HACL1: variants seen among roughly 807,000 people sequenced by gnomAD.
HACL1 encodes 1600020H07Rik.
A neutral mutation model predicts 74.2 loss-of-function variants in HACL1; 64 were observed. The ratio of observed to expected loss-of-function variants is 0.86; its 90% CI spans 0.70 to 1.06. HACL1 has a LOEUF of 1.06. Ranked by LOEUF, HACL1 falls within the 50% of genes least tolerant of loss-of-function variation. The probability of loss-of-function intolerance (pLI) is 0.00; values close to 1 mark genes in which losing one functional copy is unlikely to be tolerated. For missense variants in HACL1, 728 were observed against 719.7 expected, an observed-to-expected ratio of 1.01 and a Z score of -0.13; for synonymous variants, 230 against 238.8, an observed-to-expected ratio of 0.96 and a Z score of 0.34.
chr3:15,599,760 C>T, intron 2 of HACL1, among the ~76,000 whole-genome samples: 1 of 152,210 alleles, frequency 6.6e-6, no homozygotes. Context: ...CAGGACTGAT[C>T]AACGTGAAGA....
intron 3 of HACL1, among the ~76,000 whole-genome samples, chr3:15,592,122 A>G (rs1312430629): frequency 6.7e-6 from 1 of 148,916 alleles, no homozygotes; most frequent in Admixed American, 6.7e-5. Context: ...CACACTATAT[A>G]CGTATACATA....
At chr3:15,597,992 T>C (rs984745914) in intron 2 of HACL1, among the ~76,000 whole-genome samples, 4 of 151,822 alleles carry the variant, frequency 2.6e-5, no homozygotes, top group Non-Finnish European at 2.9e-5. Context: ...GAGGTAACTG[T>C]TTTGTTTTGT....
chr3:15,580,988 A>G (rs963115304), intron 8 of HACL1, among the ~76,000 whole-genome samples: 3 of 151,938 alleles, frequency 2.0e-5, no homozygotes, highest in Non-Finnish European at 2.9e-5. Flanking sequence ...TGCAACCTCC[A>G]CCTCCCGGGT....
chr3:15,589,163 C>G (rs1220180180), intron 5 of HACL1, among the ~76,000 whole-genome samples: 2 of 152,064 alleles, frequency 1.3e-5, no homozygotes, highest in African/African-American at 2.4e-5. Flanking sequence ...TATCTTCTCT[C>G]TACCTCTTAA....
intron 2 of HACL1, 54 bp from the exon 3 acceptor site, chr3:15,596,478 T>G: frequency 3.9e-6 from 4 of 1,017,458 alleles, no homozygotes; most frequent in Non-Finnish European, 6.3e-6. Context: ...ATAGTACATT[T>G]ATGACAGCAA....
intron 10 of HACL1, among the ~76,000 whole-genome samples, chr3:15,574,521 G>C (rs1200603881): frequency 6.6e-6 from 1 of 152,198 alleles, no homozygotes; most frequent in Non-Finnish European, 1.5e-5. Context: ...TCAAAGACAG[G>C]TCAGAATACA....
intron 2 of HACL1, 138 bp from the exon 3 acceptor site, chr3:15,596,562 G>A: frequency 1.7e-6 from 1 of 597,474 alleles, no homozygotes; most frequent in Non-Finnish European, 3.0e-6. Context: ...AGTAATAAAT[G>A]TTCTACACAT....
In HACL1 at chr3:15,563,398, A is replaced by G; in HGVS notation, c.1664T>C (p.Ile555Thr). 4.3e-6 allele frequency: 7 copies of G among 1,613,820 alleles called. No individual in the cohort carries two copies. The highest frequency in any genetic ancestry group is 5.9e-6 in the Non-Finnish European group (7 of 1,179,778). ...GGCTTGTGGCTCAATCATGATGTTG[A>G]TAAGAGAAGGTTTAGTTGTGTCTGC... is the stretch of plus-strand genomic sequence containing the variant. Reference protein sequence around the residue: ...SLADTTKPSLINIMIEPQATR... With the variant: ...SLADTTKPSLTNIMIEPQATR... Residue 555 changes from isoleucine to threonine, a missense_variant, in exon 16 of 17, where the codon ATC becomes ACC. Coordinates refer to ENST00000321169, the MANE Select transcript of HACL1 (RefSeq NM_012260.4).
At chr3:15,570,262 G>A (rs982706691) in intron 12 of HACL1, among the ~76,000 whole-genome samples, 9 of 149,546 alleles carry the variant, frequency 6.0e-5, no homozygotes, top group Admixed American at 2.7e-4. Flanking sequence ...TTAAACCTGC[G>A]AGGCAGAGGT....
chr3:15,593,236 T>G (rs191267021), intron 3 of HACL1, among the ~76,000 whole-genome samples: 6 of 150,458 alleles, frequency 4.0e-5, no homozygotes, highest in African/African-American at 1.5e-4. Context: ...TTTTTTGAGA[T>G]AGCATCTCAC....
chr3:15,601,325 C>T (rs2064227159), intron 1 of HACL1, 58 bp downstream of exon 1: 1 of 1,608,728 alleles, frequency 6.2e-7, no homozygotes, highest in Non-Finnish European at 8.5e-7. Flanking sequence ...TCCAAGACAA[C>T]ATCGCGGTCC....
At chr3:15,564,231 G>A (rs1048320576) in intron 15 of HACL1, among the ~76,000 whole-genome samples, 2 of 152,216 alleles carry the variant, frequency 1.3e-5, no homozygotes, top group Admixed American at 6.5e-5. Flanking sequence ...TTTCCAAATG[G>A]TGTAACAGGA....
intron 2 of HACL1, among the ~76,000 whole-genome samples, chr3:15,599,364 T>C (rs2064132921): frequency 6.6e-6 from 1 of 152,198 alleles, no homozygotes; most frequent in South Asian, 2.1e-4. Context: ...ATTCCTGGAC[T>C]TGAGTAATCC....
At position 15,589,722 on chromosome 3, in the gene HACL1, T is replaced by C. The variant is rs1574937409; in HGVS notation, c.309-110A>G. 6 of 755,312 alleles carry C rather than the reference T, an allele frequency of 7.9e-6. No individual in the cohort carries two copies. In the East Asian group the frequency reaches 1.6e-4, roughly 20 times the overall value. The allele number at this position is 755,312 out of a possible 1,614,324, so 46.8% of individuals were successfully genotyped here. A position where few individuals can be genotyped will look rare whatever the true frequency, so the allele number is the denominator to read the frequency against. ...TAATAAATGTTAAAGGGAGAGAATA[T>C]TATATTTTTTTCTTAGAAACTGTAG... On this transcript the variant is annotated intron_variant, in intron 4 of 16. Transcript: ENST00000321169.
chr3:15,567,476 T>C (rs1244834721), intron 14 of HACL1, among the ~76,000 whole-genome samples: 1 of 151,942 alleles, frequency 6.6e-6, no homozygotes, highest in African/African-American at 2.4e-5. Flanking sequence ...TGCCTTGGCC[T>C]CCCAAAGGGC....
chr3:15,578,027 G>C (rs181612671), intron 9 of HACL1, among the ~76,000 whole-genome samples: 1 of 143,872 alleles, frequency 7.0e-6, no homozygotes, highest in Non-Finnish European at 1.5e-5. Flanking sequence ...GAACCCAGGA[G>C]ACAGAGCTTG....
At chr3:15,561,905 C>T (rs943018131) in intron 16 of HACL1, among the ~76,000 whole-genome samples, 1 of 152,174 alleles carries the variant, frequency 6.6e-6, no homozygotes, top group Non-Finnish European at 1.5e-5. Flanking sequence ...GTCTCAAACT[C>T]TCAGCCTCAA....
chr3:15,588,757 C>T (rs1218240555), intron 5 of HACL1, among the ~76,000 whole-genome samples: 2 of 149,928 alleles, frequency 1.3e-5, no homozygotes, highest in Non-Finnish European at 3.0e-5. Flanking sequence ...CAGCTTTATT[C>T]TTAAAACTGT....
At position 15,579,389 on chromosome 3, in the gene HACL1, A is replaced by T. The variant is rs555746884; in HGVS notation, c.803+521T>A. 4.6e-5 allele frequency among the ~76,000 whole-genome samples: 7 copies of T among 152,322 alleles called. No individual in the cohort carries two copies. The South Asian group carries it at 1.4e-3, about 32-fold the overall frequency. On this transcript the variant is annotated intron_variant, in intron 9 of 16. Coordinates refer to ENST00000321169, the MANE Select transcript of HACL1 (RefSeq NM_012260.4). ...GAAAAATATTCTTAAAAGAAATGTA[A>T]AAATAGAAGATCTCAGCAGAGAAGC...
Sources: allele counts gnomAD v4.1 joint callset (sites outside exome capture counted in the v4.1 genomes callset), GRCh38; gene constraint gnomAD v4.1.1; transcripts MANE v1.5; gene names NCBI Gene and HGNC (gene_info 2026-07-23, HGNC 2026-07-21).